ARHGAP31: variants seen among roughly 807,000 people sequenced by gnomAD.
The protein encoded by ARHGAP31 is Rho GTPase activating protein 31, also known as rho GTPase-activating protein 31.
A neutral mutation model predicts 113.9 loss-of-function variants in ARHGAP31; 34 were observed. The ratio of observed to expected loss-of-function variants is 0.30; its 90% CI spans 0.23 to 0.40. ARHGAP31 has a LOEUF of 0.40. ARHGAP31 is among the 10% of genes least tolerant of loss of function. ARHGAP31 has a pLI of 1.00. For missense variants in ARHGAP31, 1,548 were observed against 1,767.1 expected (o/e 0.88, Z 2.22); for synonymous variants, 650 against 684.8 (o/e 0.95, Z 0.79).
intron 6 of ARHGAP31, among the ~76,000 whole-genome samples, chr3:119,388,456 A>G (rs2080473940): frequency 6.6e-6 from 1 of 152,078 alleles, no homozygotes; most frequent in African/African-American, 2.4e-5. Context: ...GCCTTGGGAA[A>G]GCATTGGAGG....
At position 119,307,007 on chromosome 3, in the gene ARHGAP31, A is replaced by G. The variant is rs914096155; in HGVS notation, c.100+12003A>G. On this transcript the variant is annotated intron_variant, in intron 1 of 11. Transcript: ENST00000264245. ...TTTTTCATAAATGCCCTTTGTTTCAATCTTTATTTTTAGAAAAAAAAAACT... is the reference window on the plus strand; with the variant it reads ...TTTTTCATAAATGCCCTTTGTTTCAGTCTTTATTTTTAGAAAAAAAAAACT... Among the ~76,000 whole-genome samples, 10 of 150,752 alleles carry G rather than the reference A, an allele frequency of 6.6e-5. No homozygotes were observed. In the South Asian group the frequency reaches 1.9e-3, roughly 28 times the overall value.
chr3:119,345,547 C>T (rs2080049032), intron 1 of ARHGAP31, among the ~76,000 whole-genome samples: 1 of 152,130 alleles, frequency 6.6e-6, no homozygotes, highest in African/African-American at 2.4e-5. Context: ...CACTTCCTCC[C>T]ATTGGATGCT....
At chr3:119,379,065 A>G (rs886453062) in intron 3 of ARHGAP31, among the ~76,000 whole-genome samples, 1 of 152,214 alleles carries the variant, frequency 6.6e-6, no homozygotes, top group Non-Finnish European at 1.5e-5. Flanking sequence ...GGTCTTCTAT[A>G]TATTTGTTTT....
At chr3:119,303,315 C>T (rs971936961) in intron 1 of ARHGAP31, among the ~76,000 whole-genome samples, 2 of 152,146 alleles carry the variant, frequency 1.3e-5, no homozygotes. Flanking sequence ...CTTAATGGTC[C>T]CCACAGGGGT....
chr3:119,391,589 A>ACCCCCCCCCCCCCCCCCCCCCCCCCCCC (rs368549202), intron 7 of ARHGAP31, among the ~76,000 whole-genome samples: 2 of 103,754 alleles, frequency 1.9e-5, no homozygotes, highest in Non-Finnish European at 4.0e-5. Flanking sequence ...CTGGGTCTCT[A>ACCCCCCCCCCCCCCCCCCCCCCCCCCCC]CCCCCCCCTC....
intron 1 of ARHGAP31, among the ~76,000 whole-genome samples, chr3:119,351,491 A>G (rs1254669687): frequency 6.6e-6 from 1 of 152,206 alleles, no homozygotes; most frequent in East Asian, 1.9e-4. Flanking sequence ...TTGTCTAACC[A>G]TACAGAATGT....
chr3:119,361,088 C>G (rs1484425611), intron 1 of ARHGAP31, among the ~76,000 whole-genome samples: 1 of 152,200 alleles, frequency 6.6e-6, no homozygotes, highest in Admixed American at 6.5e-5. Flanking sequence ...TCTGATAGGA[C>G]CCCTGGGACA....
intron 3 of ARHGAP31, among the ~76,000 whole-genome samples, chr3:119,375,434 TCCTA>T (rs931774414): frequency 6.6e-6 from 1 of 152,138 alleles, no homozygotes; most frequent in African/African-American, 2.4e-5. Flanking sequence ...TTTGCCCTGC[TCCTA>T]TATAGATACC....
chr3:119,393,863 T>C (rs1458430408), intron 8 of ARHGAP31, among the ~76,000 whole-genome samples: 2 of 152,202 alleles, frequency 1.3e-5, no homozygotes, highest in Non-Finnish European at 2.9e-5. Flanking sequence ...ATTGATACAA[T>C]ACTCCTAATG....
chr3:119,349,053 G>C (rs569863500), intron 1 of ARHGAP31, among the ~76,000 whole-genome samples: 40 of 152,042 alleles, frequency 2.6e-4, no homozygotes, highest in Non-Finnish European at 4.7e-4. Context: ...ATCACCCCTT[G>C]CTGTTTTAAC....
Position 119,383,177 on chromosome 3 carries a change from T to A in ARHGAP31, c.633T>A (p.His211Gln). The change falls in exon 6 of 12, where the codon CAT becomes CAA. Residue 211 changes from histidine to glutamine, a missense_variant. By Grantham distance (24) the His-to-Gln change is conservative. Transcript: ENST00000264245. ...QQVVIEFILNHVDQIFNNGAP... is the reference protein window; with the variant it reads ...QQVVIEFILNQVDQIFNNGAP... Reference sequence around the variant, plus strand: ...TGGTGATTGAGTTCATATTGAATCATGTAGATCAAATCTTTAACAACGGTG... The same window carrying A: ...TGGTGATTGAGTTCATATTGAATCAAGTAGATCAAATCTTTAACAACGGTG... 3.7e-6 allele frequency: 6 copies of A among 1,614,204 alleles called. No homozygotes were observed. The highest frequency in any genetic ancestry group is 5.1e-6 in the Non-Finnish European group (6 of 1,180,026).
rs2080804864 is a variant in ARHGAP31, at chr3:119,419,431, C to A, written c.*3167C>A. 6.6e-6 allele frequency: 1 copy of A among 152,014 alleles called. No individual in the cohort carries two copies. The highest frequency in any genetic ancestry group is 1.5e-5 in the Non-Finnish European group (1 of 68,016). The allele number at this position is 152,014 out of a possible 1,614,324, so 9.4% of individuals were successfully genotyped here. A position where few individuals can be genotyped will look rare whatever the true frequency, so the allele number is the denominator to read the frequency against. ...AAACCCTAAAATTCAAAATATTGTC[C>A]AAGTCAAAAGTCTAGACTCTGAGGA... On this transcript the variant is annotated 3_prime_UTR_variant, in exon 12 of 12. Transcript: ENST00000264245.
chr3:119,366,279 CA>C (rs55888648), intron 2 of ARHGAP31, among the ~76,000 whole-genome samples: 14,796 of 151,534 alleles, frequency 0.098, 940 homozygotes, highest in South Asian at 0.24. Context: ...GCTTTTAAAA[CA>C]AAAAAAATTC....
chr3:119,379,493 C>G (rs767081631), intron 3 of ARHGAP31, among the ~76,000 whole-genome samples: 1 of 152,190 alleles, frequency 6.6e-6, no homozygotes, highest in Non-Finnish European at 1.5e-5. Context: ...AACATGCACA[C>G]GGCAGCTAAA....
intron 3 of ARHGAP31, among the ~76,000 whole-genome samples, chr3:119,379,882 C>G (rs73857019): frequency 1.2e-3 from 184 of 152,320 alleles, no homozygotes; most frequent in African/African-American, 4.3e-3. Flanking sequence ...AGGCACTGCT[C>G]AGATGCTGGC....
At chr3:119,348,394 T>A (rs4687846) in intron 1 of ARHGAP31, among the ~76,000 whole-genome samples, 1 of 151,982 alleles carries the variant, frequency 6.6e-6, no homozygotes, top group African/African-American at 2.4e-5. Context: ...CAAAAAGGTC[T>A]GGGACCACTG....
intron 3 of ARHGAP31, among the ~76,000 whole-genome samples, chr3:119,372,485 G>T (rs2080306874): frequency 6.6e-6 from 1 of 152,056 alleles, no homozygotes; most frequent in Admixed American, 6.5e-5. Flanking sequence ...GTTTCGCCAT[G>T]TTGGCCAGCC....
At chr3:119,383,042 A>G in intron 5 of ARHGAP31, 42 bp from the exon 6 acceptor site, 1 of 1,612,128 alleles carries the variant, frequency 6.2e-7, no homozygotes. Flanking sequence ...TTCAGGTTGT[A>G]AGGCAAACTC....
intron 1 of ARHGAP31, among the ~76,000 whole-genome samples, chr3:119,304,136 C>A (rs554340646): frequency 1.3e-5 from 2 of 152,240 alleles, no homozygotes; most frequent in African/African-American, 4.8e-5. Flanking sequence ...ATGGGACTTT[C>A]AATTCAATGC....
Sources: gnomAD v4.1 joint callset for allele counts (sites outside exome capture counted in the v4.1 genomes callset) on GRCh38, gnomAD v4.1.1 for gene constraint, MANE v1.5 for transcripts, NCBI Gene and HGNC (gene_info 2026-07-23, HGNC 2026-07-21) for gene names.